The following PDE10A variants were observed in gnomAD, a reference collection of about 807,000 sequenced individuals.
The protein encoded by PDE10A is phosphodiesterase 10A, also known as cAMP and cAMP-inhibited cGMP 3',5'-cyclic phosphodiesterase 10A.
Under a neutral mutation model 97.7 loss-of-function variants are expected in PDE10A, and 39 were observed. That is an observed-to-expected ratio of 0.40 (90% confidence interval 0.31 to 0.52). The LOEUF (loss-of-function observed/expected upper bound fraction) is 0.52, where lower values mean the gene tolerates loss of function less well. Ranked by LOEUF, PDE10A falls within the 20% of genes least tolerant of loss-of-function variation. The pLI is 0.56. For synonymous variants in PDE10A, 371 were observed against 376.8 expected, an observed-to-expected ratio of 0.98 and a Z score of 0.18; for missense variants, 731 against 1,047.8, an observed-to-expected ratio of 0.70 and a Z score of 4.17.
At chr6:165,356,762 AC>A (rs2128189777) in intron 18 of PDE10A, among the ~76,000 whole-genome samples, 1 of 152,340 alleles carries the variant, frequency 6.6e-6, no homozygotes, top group African/African-American at 2.4e-5. Context: ...AAAAATGTTG[AC>A]CACATAGCCT....
chr6:165,590,992 T>C (rs560054015), intron 1 of PDE10A, among the ~76,000 whole-genome samples: 5 of 152,294 alleles, frequency 3.3e-5, no homozygotes, highest in African/African-American at 1.2e-4. Flanking sequence ...AGTATTTAAA[T>C]CAAAATAAAT....
intron 2 of PDE10A, among the ~76,000 whole-genome samples, chr6:165,514,651 C>T (rs1249229782): frequency 2.0e-5 from 3 of 152,154 alleles, no homozygotes; most frequent in South Asian, 2.1e-4. Flanking sequence ...TGCTGGCCCC[C>T]GAAATGCCAT....
At chr6:165,892,620 T>C (rs1427506165) in intron 1 of PDE10A, among the ~76,000 whole-genome samples, 1 of 152,150 alleles carries the variant, frequency 6.6e-6, no homozygotes, top group Admixed American at 6.5e-5. Flanking sequence ...TAGAGCTCCA[T>C]GTTTGTGTTC....
chr6:165,464,629 T>C (rs1336620032), intron 3 of PDE10A, among the ~76,000 whole-genome samples: 2 of 152,218 alleles, frequency 1.3e-5, no homozygotes, highest in Non-Finnish European at 2.9e-5. Context: ...ATTTCAACTC[T>C]TCATAAACTC....
At chr6:165,596,691 C>A (rs1225580090) in intron 1 of PDE10A, among the ~76,000 whole-genome samples, 3 of 152,164 alleles carry the variant, frequency 2.0e-5, no homozygotes, top group Admixed American at 6.5e-5. Flanking sequence ...GATTGTACCA[C>A]TGCACTCAGC....
rs1562807937 is a variant in PDE10A, at chr6:165,940,506, T to C, written c.-615+47023A>G. ...TCCCGCCATGCTCTGGCGCAGTTTT[T>C]CATCGTGATGCATCTCCCGGCGCAG... On this transcript the variant is annotated intron_variant, in intron 1 of 19. Coordinates refer to the PDE10A transcript ENST00000366882. 1.3e-5 allele frequency: 2 copies of C among 152,284 alleles called. 1 individual carries two copies. The highest frequency in any genetic ancestry group is 1.3e-4 in the Admixed American group (2 of 15,292). The allele number at this position is 152,284 out of a possible 1,614,324, so 9.4% of individuals were successfully genotyped here. A position where few individuals can be genotyped will look rare whatever the true frequency, so the allele number is the denominator to read the frequency against.
chr6:165,388,417 G>A lies in PDE10A; in HGVS notation c.2491C>T (p.Leu831=), dbSNP rs200209493. ...GLLIACLCHD[L]DHRGFSNSYL... The stretch of plus-strand genomic sequence containing the variant: ...CTGTTACTGAAGCCCCTGTGGTCCA[G>A]GTCATGACACAGACACGCAATCAGC... Residue 831 remains leucine, a synonymous_variant, in exon 17 of 22, where the codon CTG becomes TTG. Coordinates refer to ENST00000539869, the MANE Select transcript of PDE10A (RefSeq NM_001385079.1). This position sits in a 1 kb window ranked among gnomAD's most constrained non-coding sequence, Gnocchi z 4.0. The A allele has an allele frequency of 3.3e-5, 53 of 1,614,094 alleles. No individual in the cohort carries two copies. Among genetic ancestry groups the A allele is most frequent in the Non-Finnish European group, 1.7e-5 (20 of 1,179,984 alleles).
chr6:165,366,505 T>G (rs1477093278), intron 18 of PDE10A, among the ~76,000 whole-genome samples: 1 of 152,234 alleles, frequency 6.6e-6, no homozygotes, highest in Non-Finnish European at 1.5e-5. Context: ...ATCTTGAAGA[T>G]GCTGTCTAGT....
At chr6:165,633,452 G>GA (rs1453834202) in intron 1 of PDE10A, among the ~76,000 whole-genome samples, 23 of 151,924 alleles carry the variant, frequency 1.5e-4, no homozygotes, top group Admixed American at 1.4e-3. Context: ...TTACAGAGTA[G>GA]AAAAAAACTG....
intron 2 of PDE10A, among the ~76,000 whole-genome samples, chr6:165,535,139 T>C (rs894929818): frequency 6.6e-6 from 1 of 151,958 alleles, no homozygotes; most frequent in African/African-American, 2.4e-5. Flanking sequence ...AGCATTTCTA[T>C]ATGTCGAAAG....
At chr6:165,341,944 G>A (rs182649954) in intron 19 of PDE10A, among the ~76,000 whole-genome samples, 156 of 152,294 alleles carry the variant, frequency 1.0e-3, no homozygotes, top group African/African-American at 3.4e-3. Context: ...TGAGCTCACC[G>A]TAACAGCAAA....
At chr6:165,682,163 A>T (rs1348130656) in intron 1 of PDE10A, among the ~76,000 whole-genome samples, 2 of 151,984 alleles carry the variant, frequency 1.3e-5, no homozygotes, top group African/African-American at 4.8e-5. Flanking sequence ...TTACGGTCTC[A>T]CTCTGTCACC....
chr6:165,338,342 C>T (rs16897692), intron 20 of PDE10A, among the ~76,000 whole-genome samples: 3,155 of 152,292 alleles, frequency 0.021, 108 homozygotes, highest in African/African-American at 0.072. Flanking sequence ...ATTTGTTAAA[C>T]TTATCTGTAT....
intron 1 of PDE10A, among the ~76,000 whole-genome samples, chr6:165,795,826 G>A (rs2128464533): frequency 6.6e-6 from 1 of 152,176 alleles, no homozygotes; most frequent in Admixed American, 6.5e-5. Context: ...TCCTACCCCT[G>A]AAGACATTCT....
chr6:165,630,849 C>T (rs1188649179), intron 1 of PDE10A, among the ~76,000 whole-genome samples: 1 of 152,082 alleles, frequency 6.6e-6, no homozygotes, highest in Non-Finnish European at 1.5e-5. Flanking sequence ...GAGTAGGAAA[C>T]ATAGAGAATA....
At chr6:165,519,045 T>G (rs989733859) in intron 2 of PDE10A, among the ~76,000 whole-genome samples, 10 of 152,210 alleles carry the variant, frequency 6.6e-5, no homozygotes, top group Admixed American at 6.5e-4. Flanking sequence ...GAGACAATGT[T>G]AGTACATTTC....
At chr6:165,619,539 G>GGTC (rs1787999341) in intron 1 of PDE10A, among the ~76,000 whole-genome samples, 1 of 115,656 alleles carries the variant, frequency 8.6e-6, no homozygotes, top group Non-Finnish European at 1.7e-5. Flanking sequence ...GTAGTCTAAT[G>GGTC]TAGTGTAGTG....
At chr6:165,505,455 T>C (rs1781136201) in intron 2 of PDE10A, among the ~76,000 whole-genome samples, 1 of 152,152 alleles carries the variant, frequency 6.6e-6, no homozygotes, top group South Asian at 2.1e-4. Context: ...AAACATACAC[T>C]GATCCAACTT....
intron 1 of PDE10A, among the ~76,000 whole-genome samples, chr6:165,774,614 T>C (rs1365985212): frequency 6.8e-5 from 10 of 147,884 alleles, no homozygotes; most frequent in Non-Finnish European, 1.0e-4. Context: ...AAGTATATAA[T>C]ATATATAAAA....
Sources: gnomAD v4.1 joint callset for allele counts (sites outside exome capture counted in the v4.1 genomes callset) on GRCh38, gnomAD v4.1.1 for gene constraint, Gnocchi (gnomAD v3.1) non-coding constraint, MANE v1.5 for transcripts, NCBI Gene and HGNC (gene_info 2026-07-23, HGNC 2026-07-21) for gene names.